CCDC30: variants seen among roughly 807,000 people sequenced by gnomAD.
CCDC30 encodes coiled-coil domain-containing protein 30.
CCDC30 carries 70 observed loss-of-function variants against 100.2 expected under a neutral mutation model. The observed-to-expected ratio is 0.70, with a 90% confidence interval of 0.58 to 0.85. The LOEUF (loss-of-function observed/expected upper bound fraction) is 0.85, where lower values mean the gene tolerates loss of function less well. Among genes scored for constraint, CCDC30 ranks in the 40% least tolerant of loss-of-function variants. The pLI, the probability that CCDC30 is intolerant of heterozygous loss-of-function variation, is 0.00. For synonymous variants in CCDC30, 233 were observed against 269.5 expected (o/e 0.86, Z 1.33); for missense variants, 652 against 771.2 (o/e 0.85, Z 1.83).
intron 6 of CCDC30, among the ~76,000 whole-genome samples, chr1:42,564,659 G>T (rs1645569146): frequency 6.6e-6 from 1 of 152,214 alleles, no homozygotes; most frequent in Non-Finnish European, 1.5e-5. Context: ...ATCAAGCTAA[G>T]TTACATATGT....
In CCDC30 at chr1:42,596,654, C is replaced by T. The variant is rs561911612; in HGVS notation, c.1164+7171C>T. ...CAACACTTCACCACCACATCACTAA[C>T]GGCCCATTTAACAGCAGTTTCCTCT... On this transcript the variant is annotated intron_variant, in intron 10 of 16. Coordinates refer to ENST00000668663, the Ensembl canonical transcript of CCDC30. This position sits in a 1 kb window ranked among gnomAD's most constrained non-coding sequence, Gnocchi z 4.3. Among the ~76,000 whole-genome samples the T allele has an allele frequency of 3.3e-5, 5 of 152,218 alleles. No individual in the cohort carries two copies. In the South Asian group the frequency reaches 8.3e-4, roughly 25 times the overall value.
At chr1:42,647,086 T>C (rs531211765) in intron 15 of CCDC30, among the ~76,000 whole-genome samples, 2 of 151,706 alleles carry the variant, frequency 1.3e-5, no homozygotes, top group East Asian at 1.9e-4. Flanking sequence ...GGTGACAGAG[T>C]GAGACTCCAT....
intron 6 of CCDC30, among the ~76,000 whole-genome samples, chr1:42,536,254 G>C (rs973015167): frequency 4.6e-5 from 7 of 152,060 alleles, no homozygotes; most frequent in African/African-American, 1.7e-4. Context: ...TATTCCTACT[G>C]TGATGGCTAT....
chr1:42,484,547 TGAGTC>T (rs1343452828), intron 3 of CCDC30, among the ~76,000 whole-genome samples: 1 of 152,156 alleles, frequency 6.6e-6, no homozygotes. Flanking sequence ...ATCTCCACAG[TGAGTC>T]TATTAGGACT....
rs572368228 is a variant in CCDC30, at chr1:42,651,448, A to G, written c.1855-1928A>G. ...ATAGACATTTCTCAAAAAAAGACAT[A>G]CAAATGGACAACAGATATATGAAAA... is the stretch of plus-strand genomic sequence containing the variant. On this transcript the variant is annotated intron_variant, in intron 15 of 16. Coordinates refer to ENST00000668663, the Ensembl canonical transcript of CCDC30. 3.9e-5 allele frequency among the ~76,000 whole-genome samples: 6 copies of G among 152,214 alleles called. No individual in the cohort carries two copies. The South Asian group carries it at 1.0e-3, about 26-fold the overall frequency.
At chr1:42,491,769 A>G in intron 4 of CCDC30, 1 of 293,478 alleles carries the variant, frequency 3.4e-6, no homozygotes, top group Non-Finnish European at 6.6e-6. Flanking sequence ...GCACCTTATG[A>G]AAGGTGGCAA....
chr1:42,647,834 A>C (rs1648010442), intron 15 of CCDC30, among the ~76,000 whole-genome samples: 1 of 152,260 alleles, frequency 6.6e-6, no homozygotes. Flanking sequence ...CAATGGGTTA[A>C]TTAAGAAATT....
rs372826618 is a variant in CCDC30 at position 42,536,528 on chromosome 1, A to AAGAG, written c.457-29754_457-29751dup. The stretch of plus-strand genomic sequence containing the variant: ...GAAATGTTTGAAAGTGAGTGGTCAA[A>AAGAG]AGAGAGAGAGAGAGAGAAGCAGTTG... On this transcript the variant is annotated intron_variant, in intron 6 of 16. Coordinates refer to ENST00000668663, the Ensembl canonical transcript of CCDC30. 4.6e-6 allele frequency: 7 copies of AAGAG among 1,527,848 alleles called. No homozygotes were observed. The East Asian group carries it at 1.4e-4, about 31-fold the overall frequency. The allele number at this position is 1,527,848 out of a possible 1,614,324, so 94.6% of individuals were successfully genotyped here.
intron 11 of CCDC30, among the ~76,000 whole-genome samples, chr1:42,621,804 C>A (rs192176056): frequency 1.5e-3 from 235 of 151,900 alleles, no homozygotes; most frequent in African/African-American, 4.4e-3. Flanking sequence ...AGCCACCGCG[C>A]CCGGCCTAAT....
intron 10 of CCDC30, among the ~76,000 whole-genome samples, chr1:42,603,302 T>A (rs1646440384): frequency 6.6e-6 from 1 of 152,174 alleles, no homozygotes; most frequent in African/African-American, 2.4e-5. Flanking sequence ...CTGGGAGCCC[T>A]TTTATAAGGA....
chr1:42,492,120 G>A (rs912876499), intron 4 of CCDC30: 10 of 282,052 alleles, frequency 3.5e-5, no homozygotes, highest in African/African-American at 1.8e-4. Flanking sequence ...CAAGACTACC[G>A]ATGGTTATTT....
rs115337923 is a variant in CCDC30 at position 42,619,214 on chromosome 1, T to C, written c.1277+8124T>C. 9.2e-3 allele frequency among the ~76,000 whole-genome samples: 1,400 copies of C among 152,318 alleles called. 14 individuals are homozygous for C. The highest frequency in any genetic ancestry group is 0.014 in the Non-Finnish European group (948 of 68,028). On this transcript the variant is annotated intron_variant, in intron 11 of 16. Transcript: ENST00000668663. ...AAGCCAAACTGTTCAGTTTGGTATC[T>C]GGCTAAATTAATCTCTTCAGGGAAA... is the stretch of plus-strand genomic sequence containing the variant.
At chr1:42,550,062 C>T (rs558918663) in intron 6 of CCDC30, among the ~76,000 whole-genome samples, 3 of 152,280 alleles carry the variant, frequency 2.0e-5, no homozygotes, top group Non-Finnish European at 4.4e-5. Flanking sequence ...ACTATTTCTT[C>T]CCCAGTCCAA....
At chr1:42,561,789 A>G (rs373991961) in intron 6 of CCDC30, among the ~76,000 whole-genome samples, 1 of 152,352 alleles carries the variant, frequency 6.6e-6, no homozygotes, top group East Asian at 1.9e-4. Context: ...AAAAACCACA[A>G]GTATTCCTTT....
intron 6 of CCDC30, among the ~76,000 whole-genome samples, chr1:42,565,916 G>C (rs201571186): frequency 3.3e-5 from 5 of 149,778 alleles, no homozygotes; most frequent in Admixed American, 6.7e-5. Flanking sequence ...ACACCACACA[G>C]ACACACACAC....
At chr1:42,579,938 C>CAAAA (rs375950938) in intron 8 of CCDC30, among the ~76,000 whole-genome samples, 3,583 of 140,810 alleles carry the variant, frequency 0.025, 170 homozygotes, top group African/African-American at 0.088. Context: ...CAGCACATCT[C>CAAAA]AAAAAAAAAA....
At chr1:42,583,068 T>A (rs1645998879) in intron 9 of CCDC30, among the ~76,000 whole-genome samples, 5 of 152,340 alleles carry the variant, frequency 3.3e-5, no homozygotes, top group East Asian at 1.9e-4. Flanking sequence ...CACAAAAAAA[T>A]TATTTTTTTT....
intron 6 of CCDC30, among the ~76,000 whole-genome samples, chr1:42,553,629 C>G (rs1645302678): frequency 6.9e-6 from 1 of 144,394 alleles, no homozygotes; most frequent in South Asian, 2.3e-4. Flanking sequence ...GCACTCTAGC[C>G]TGGGTGACAA....
intron 6 of CCDC30, among the ~76,000 whole-genome samples, chr1:42,507,008 C>T (rs1019616246): frequency 6.6e-6 from 1 of 152,124 alleles, no homozygotes; most frequent in African/African-American, 2.4e-5. Flanking sequence ...CTCACTGCAA[C>T]CTCTGCCTCT....
Sources: allele counts gnomAD v4.1 joint callset (sites outside exome capture counted in the v4.1 genomes callset), GRCh38; gene constraint gnomAD v4.1.1; non-coding constraint Gnocchi (gnomAD v3.1); transcripts MANE v1.5; gene names NCBI Gene and HGNC (gene_info 2026-07-23, HGNC 2026-07-21).